CRISP3: variants seen among roughly 807,000 people sequenced by gnomAD.
The protein encoded by CRISP3 is cysteine-rich secretory protein 3.
A neutral mutation model predicts 36.1 loss-of-function variants in CRISP3; 33 were observed. The ratio of observed to expected loss-of-function variants is 0.91; its 90% CI spans 0.69 to 1.22. CRISP3 has a LOEUF of 1.22. CRISP3 is among the 50% of genes most tolerant of loss of function. The probability of loss-of-function intolerance (pLI) is 0.00; values close to 1 mark genes in which losing one functional copy is unlikely to be tolerated. For missense variants in CRISP3, 330 were observed against 301.2 expected, an observed-to-expected ratio of 1.10 and a Z score of -0.71; for synonymous variants, 117 against 104.6, an observed-to-expected ratio of 1.12 and a Z score of -0.72.
At chr6:49,729,381 C>A (rs1768858079) in intron 7 of CRISP3, among the ~76,000 whole-genome samples, 1 of 152,046 alleles carries the variant, frequency 6.6e-6, no homozygotes, top group South Asian at 2.1e-4. Flanking sequence ...CTAATGCCCC[C>A]AGTCTTTCTC....
At chr6:49,741,748 A>G (rs1361258679) in intron 1 of CRISP3, among the ~76,000 whole-genome samples, 1 of 148,876 alleles carries the variant, frequency 6.7e-6, no homozygotes, top group Non-Finnish European at 1.5e-5. Context: ...TATTGGGAAC[A>G]AGAAAAGAAT....
At chr6:49,733,898 C>A (rs1191201801) in intron 4 of CRISP3, 50 bp from the exon 5 acceptor site, 1 of 1,518,222 alleles carries the variant, frequency 6.6e-7, no homozygotes, top group Admixed American at 1.7e-5. Flanking sequence ...CATGCAATGG[C>A]AAAATACACA....
intron 7 of CRISP3, among the ~76,000 whole-genome samples, 189 bp downstream of exon 7, chr6:49,730,974 G>T (rs1418658179): frequency 6.6e-6 from 1 of 152,182 alleles, no homozygotes. Flanking sequence ...CCCTGCAAGC[G>T]GAGGTTGCAG....
At chr6:49,744,181 A>C in intron 1 of CRISP3, 150 bp downstream of exon 1, 1 of 497,530 alleles carries the variant, frequency 2.0e-6, no homozygotes, top group Non-Finnish European at 3.4e-6. Context: ...ATATATTAAG[A>C]TAATTACTCT....
chr6:49,738,238 A>C (rs914751571), intron 1 of CRISP3, among the ~76,000 whole-genome samples: 1 of 152,242 alleles, frequency 6.6e-6, no homozygotes, highest in African/African-American at 2.4e-5. Flanking sequence ...AGTTTTAAGC[A>C]TAAAATTTTC....
intron 1 of CRISP3, among the ~76,000 whole-genome samples, chr6:49,737,997 C>T (rs1291771747): frequency 2.6e-5 from 4 of 152,142 alleles, no homozygotes; most frequent in African/African-American, 9.7e-5. Context: ...TTTACCCATG[C>T]AGCCAGCATC....
intron 1 of CRISP3, among the ~76,000 whole-genome samples, chr6:49,743,177 A>C (rs2127454294): frequency 6.6e-6 from 1 of 152,244 alleles, no homozygotes; most frequent in South Asian, 2.1e-4. Flanking sequence ...CTTGAGAAGC[A>C]CTTTTTTTTC....
chr6:49,743,397 T>C (rs1055807151), intron 1 of CRISP3, among the ~76,000 whole-genome samples: 2 of 152,192 alleles, frequency 1.3e-5, no homozygotes, highest in Non-Finnish European at 2.9e-5. Context: ...TTAATTTCTT[T>C]TGATCCACTT....
chr6:49,737,196 G>A (rs1465162713), intron 2 of CRISP3, 129 bp downstream of exon 2: 2 of 666,234 alleles, frequency 3.0e-6, no homozygotes, highest in Non-Finnish European at 5.3e-6. Context: ...TAACTACCTT[G>A]AGCTACTAAT....
At chr6:49,736,123 A>G (rs189938980) in intron 3 of CRISP3, among the ~76,000 whole-genome samples, 8 of 152,280 alleles carry the variant, frequency 5.3e-5, no homozygotes, top group Non-Finnish European at 1.2e-4. Flanking sequence ...TAAGGAGCAG[A>G]AAAACATAAT....
At chr6:49,737,048 A>T (rs1197436924) in intron 2 of CRISP3, among the ~76,000 whole-genome samples, 2 of 152,160 alleles carry the variant, frequency 1.3e-5, no homozygotes, top group Non-Finnish European at 2.9e-5. Flanking sequence ...ATCACTCAAA[A>T]GATAGTTTTA....
chr6:49,743,840 T>C (rs1015951289), intron 1 of CRISP3, among the ~76,000 whole-genome samples: 11 of 152,278 alleles, frequency 7.2e-5, no homozygotes, highest in Admixed American at 3.9e-4. Context: ...TTTATGTTGA[T>C]GGTCTTTAAT....
intron 2 of CRISP3, 132 bp downstream of exon 2, chr6:49,737,193 C>G: frequency 1.5e-6 from 1 of 658,244 alleles, no homozygotes; most frequent in South Asian, 2.0e-5. Flanking sequence ...TGTTAACTAC[C>G]TTGAGCTACT....
At chr6:49,733,564 A>C in intron 5 of CRISP3, 139 bp downstream of exon 5, 1 of 836,096 alleles carries the variant, frequency 1.2e-6, no homozygotes, top group Non-Finnish European at 1.8e-6. Flanking sequence ...TTCACAGCTG[A>C]AATACTCACC....
intron 6 of CRISP3, 134 bp downstream of exon 6, chr6:49,733,061 T>C: frequency 4.1e-6 from 2 of 492,876 alleles, no homozygotes; most frequent in East Asian, 6.9e-5. Context: ...TGGTTGAATG[T>C]GTCTCAACTT....
chr6:49,740,575 ATGTGTG>A lies in CRISP3; in HGVS notation c.38-3183_38-3178del, dbSNP rs35601509. ...CATGACTTCTAGAATGTGTATATGG[ATGTGTG>A]TGTGTGTGTGTGTGTGTGTGTGTGT... On this transcript the variant is annotated intron_variant, in intron 1 of 7. Coordinates refer to ENST00000263045, the MANE Select transcript of CRISP3 (RefSeq NM_006061.4). Among the ~76,000 whole-genome samples the A allele has an allele frequency of 2.4e-3, 334 of 141,502 alleles. 3 individuals carry two copies. Among genetic ancestry groups the A allele is most frequent in the African/African-American group, 5.1e-3 (197 of 38,272 alleles). 92.8% of individuals were successfully genotyped at this position (141,502 alleles called of 152,430 possible).
intron 6 of CRISP3, 23 bp from the exon 7 acceptor site, chr6:49,731,274 C>A: frequency 6.7e-7 from 1 of 1,488,722 alleles, no homozygotes. Context: ...ATAAAAATGT[C>A]AAATATTTTT....
intron 6 of CRISP3, among the ~76,000 whole-genome samples, chr6:49,732,558 CGA>C (rs1244369726): frequency 6.6e-6 from 1 of 151,864 alleles, no homozygotes; most frequent in African/African-American, 2.4e-5. Context: ...GCAGAAAACC[CGA>C]GATAATTAAG....
intron 4 of CRISP3, 152 bp downstream of exon 4, chr6:49,735,352 C>A: frequency 1.7e-6 from 1 of 583,026 alleles, no homozygotes; most frequent in Non-Finnish European, 3.0e-6. Context: ...GATGGTGCTT[C>A]TCAGAGTTAT....
Sources: allele counts gnomAD v4.1 joint callset (sites outside exome capture counted in the v4.1 genomes callset), GRCh38; gene constraint gnomAD v4.1.1; transcripts MANE v1.5; gene names NCBI Gene and HGNC (gene_info 2026-07-23, HGNC 2026-07-21).